The following PLCG1 variants were observed in gnomAD, a reference collection of about 807,000 sequenced individuals.
PLCG1 encodes the protein 1-phosphatidylinositol 4,5-bisphosphate phosphodiesterase gamma-1.
In PLCG1, 71 loss-of-function variants were observed where a neutral mutation model predicts 177.8. The ratio of observed to expected loss-of-function variants is 0.40; its 90% CI spans 0.33 to 0.49. The LOEUF (loss-of-function observed/expected upper bound fraction) is 0.49, where lower values mean the gene tolerates loss of function less well. Ranked by LOEUF, PLCG1 falls within the 20% of genes least tolerant of loss-of-function variation. The pLI, the probability that PLCG1 is intolerant of heterozygous loss-of-function variation, is 0.72. For missense variants in PLCG1, 1,281 were observed against 1,709.0 expected (o/e 0.75, Z 4.42); for synonymous variants, 658 against 647.9 (o/e 1.02, Z -0.24).
rs531732249 is a variant in PLCG1, at chr20:41,144,065, A to G, written c.217+6207A>G. ...CTGTACACAGAGGACTGGGGCATCAAAAAACTCTGGAATTGGAATAGCATA... is the reference window on the plus strand; with the variant it reads ...CTGTACACAGAGGACTGGGGCATCAGAAAACTCTGGAATTGGAATAGCATA... On this transcript the variant is annotated intron_variant, in intron 1 of 31. Transcript: ENST00000685551. The surrounding 1 kb of genome is among the most constrained non-coding windows in gnomAD (Gnocchi z 4.1). Among the ~76,000 whole-genome samples the G allele has an allele frequency of 9.2e-5, 14 of 152,202 alleles. No individual in the cohort carries two copies. Among genetic ancestry groups the G allele is most frequent in the African/African-American group, 3.1e-4 (13 of 41,448 alleles).
In PLCG1 at chr20:41,177,051, G is replaced by A. The variant is rs2036083572; in HGVS notation, c.*2542G>A. The stretch of plus-strand genomic sequence containing the variant: ...TCAAGGTGATTTAAATGAGTAACAA[G>A]GGTTGAAAAACCCTGATTTTGGCAG... On this transcript the variant is annotated 3_prime_UTR_variant, in exon 32 of 32. Transcript: ENST00000685551. 6.6e-6 allele frequency: 1 copy of A among 152,232 alleles called. No individual in the cohort carries two copies. The highest frequency in any genetic ancestry group is 1.5e-5 in the Non-Finnish European group (1 of 68,042). The allele number at this position is 152,232 out of a possible 1,614,324, so 9.4% of individuals were successfully genotyped here.
At chr20:41,139,264 CTT>C (rs2034732014) in intron 1 of PLCG1, among the ~76,000 whole-genome samples, 1 of 152,152 alleles carries the variant, frequency 6.6e-6, no homozygotes, top group Non-Finnish European at 1.5e-5. Flanking sequence ...ATTTTAGTGA[CTT>C]GAGAGCCTGT....
chr20:41,139,963 C>T (rs192106814), intron 1 of PLCG1, among the ~76,000 whole-genome samples: 66 of 152,288 alleles, frequency 4.3e-4, no homozygotes, highest in Middle Eastern at 3.4e-3. Context: ...ACATTTGACT[C>T]CTGGGTGTGA....
At chr20:41,170,326 G>A (rs1454228777) in intron 24 of PLCG1, 57 bp downstream of exon 24, 2 of 1,595,032 alleles carry the variant, frequency 1.3e-6, no homozygotes, top group African/African-American at 1.3e-5. Flanking sequence ...AGGCAGCTGA[G>A]GCCTCCAGCT....
rs2034946619 is a variant in PLCG1, at chr20:41,144,773, A to T, written c.217+6915A>T. On this transcript the variant is annotated intron_variant, in intron 1 of 31. Transcript: ENST00000685551. This position sits in a 1 kb window ranked among gnomAD's most constrained non-coding sequence, Gnocchi z 4.1. ...CTGTGTGTTGGGCACACTGAGCTGGATGTGATTACTCCAGCCTCTGACTTG... is the reference window on the plus strand; with the variant it reads ...CTGTGTGTTGGGCACACTGAGCTGGTTGTGATTACTCCAGCCTCTGACTTG... Among the ~76,000 whole-genome samples, 1 of 152,064 alleles carries T rather than the reference A, an allele frequency of 6.6e-6. No individual in the cohort carries two copies. The highest frequency in any genetic ancestry group is 2.4e-5 in the African/African-American group (1 of 41,394).
chr20:41,172,912 A>G lies in PLCG1; in HGVS notation c.3279+35A>G. On this transcript the variant is annotated intron_variant, in intron 27 of 31. Coordinates refer to ENST00000685551, the MANE Select transcript of PLCG1 (RefSeq NM_002660.3). The surrounding 1 kb of genome is among the most constrained non-coding windows in gnomAD (Gnocchi z 7.0). Reference sequence around the variant, plus strand: ...GCTCATCTGGGCTTCAGGGTAGGAAAGGGGCTGCTTGCCGTTGGAGTCTGT... The same window carrying G: ...GCTCATCTGGGCTTCAGGGTAGGAAGGGGGCTGCTTGCCGTTGGAGTCTGT... The G allele has an allele frequency of 6.2e-7, 1 of 1,603,522 alleles. No homozygotes were observed. The highest frequency in any genetic ancestry group is 1.1e-5 in the South Asian group (1 of 90,572).
At position 41,167,814 on chromosome 20, in the gene PLCG1, C is replaced by A. The variant is rs771014588; in HGVS notation, c.2302-38C>A. Reference sequence around the variant, plus strand: ...AGTAGCTGCTTTCTACCTCTGGGCTCTGGGGCATTAACATATCCCATTGTG... The same window carrying A: ...AGTAGCTGCTTTCTACCTCTGGGCTATGGGGCATTAACATATCCCATTGTG... On this transcript the variant is annotated intron_variant, in intron 19 of 31. Transcript: ENST00000685551. This position sits in a 1 kb window ranked among gnomAD's most constrained non-coding sequence, Gnocchi z 4.4. 4 of 1,437,850 alleles carry A rather than the reference C, an allele frequency of 2.8e-6. No homozygotes were observed. In the African/African-American group the frequency reaches 5.6e-5, roughly 20 times the overall value. 89.1% of individuals were successfully genotyped at this position (1,437,850 alleles called of 1,614,324 possible).
At position 41,174,534 on chromosome 20, in the gene PLCG1, C is replaced by G. The variant is rs1380194958; in HGVS notation, c.*25C>G. 1 of 1,571,946 alleles carries G rather than the reference C, an allele frequency of 6.4e-7. No individual in the cohort carries two copies. The highest frequency in any genetic ancestry group is 1.8e-5 in the Admixed American group (1 of 54,452). Reference sequence around the variant, plus strand: ...GTTGTACCCCAGCCTCGTTGGAGAGCAGCAGGTGCTGTGCGCCTTGTAGAA... The same window carrying G: ...GTTGTACCCCAGCCTCGTTGGAGAGGAGCAGGTGCTGTGCGCCTTGTAGAA... On this transcript the variant is annotated 3_prime_UTR_variant, in exon 32 of 32. Transcript: ENST00000685551. The surrounding 1 kb of genome is among the most constrained non-coding windows in gnomAD (Gnocchi z 5.8).
Position 41,172,359 on chromosome 20 carries a change from GGTATCCCCCCAACACTT to G in PLCG1, c.2906-61_2906-45del. 6.3e-7 allele frequency: 1 copy of G among 1,579,784 alleles called. No individual in the cohort carries two copies. On this transcript the variant is annotated intron_variant, in intron 25 of 31. Coordinates refer to ENST00000685551, the MANE Select transcript of PLCG1 (RefSeq NM_002660.3). This position sits in a 1 kb window ranked among gnomAD's most constrained non-coding sequence, Gnocchi z 7.0. ...CTGGTGGGTGCAAAAAGAGTATTTA[GGTATCCCCCCAACACTT>G]CCTGGGTGGGCGGGCTCTGTAAGTG...
intron 1 of PLCG1, among the ~76,000 whole-genome samples, chr20:41,139,222 C>G (rs1031937065): frequency 3.9e-5 from 6 of 152,164 alleles, no homozygotes; most frequent in Admixed American, 2.0e-4. Context: ...TTCCTCAGTG[C>G]CCCCACTGAC....
Position 41,165,606 on chromosome 20 carries a change from C to T in PLCG1, c.1612-33C>T. 1 of 1,611,492 alleles carries T rather than the reference C, an allele frequency of 6.2e-7. No individual in the cohort carries two copies. The highest frequency in any genetic ancestry group is 8.5e-7 in the Non-Finnish European group (1 of 1,177,850). ...GGCCAGGTCAGGCCTGGGCCAGGGT[C>T]ACAGTATCTTTGCTGTTGCCTTCCC... On this transcript the variant is annotated intron_variant, in intron 15 of 31. Transcript: ENST00000685551. This position sits in a 1 kb window ranked among gnomAD's most constrained non-coding sequence, Gnocchi z 6.6.
At position 41,164,318 on chromosome 20, in the gene PLCG1, C is replaced by T; in HGVS notation, c.1217+117C>T. The T allele has an allele frequency of 9.5e-7, 1 of 1,053,846 alleles. No homozygotes were observed. Among genetic ancestry groups the T allele is most frequent in the Non-Finnish European group, 1.4e-6 (1 of 709,738 alleles). 65.3% of individuals were successfully genotyped at this position (1,053,846 alleles called of 1,614,324 possible). On this transcript the variant is annotated intron_variant, in intron 12 of 31. Transcript: ENST00000685551. This position sits in a 1 kb window ranked among gnomAD's most constrained non-coding sequence, Gnocchi z 6.4. ...TGTCCCCTCTCCCTCAGCCTTTCAT[C>T]TTTGTCCTTCCTCTTGGCCTCTCCT...
At chr20:41,155,432 A>C (rs1241831036) in intron 1 of PLCG1, among the ~76,000 whole-genome samples, 2 of 152,184 alleles carry the variant, frequency 1.3e-5, no homozygotes, top group Non-Finnish European at 2.9e-5. Context: ...GCTTGGAGCC[A>C]GGATTTGAAA....
Position 41,163,750 on chromosome 20 carries a change from G to C in PLCG1, c.927G>C (p.Val309=), listed in dbSNP as rs370246429. Residue 309 remains valine, a synonymous_variant, in exon 10 of 32, where the codon GTG becomes GTC. Coordinates refer to ENST00000685551, the MANE Select transcript of PLCG1 (RefSeq NM_002660.3). The surrounding 1 kb of genome is among the most constrained non-coding windows in gnomAD (Gnocchi z 5.2). ...VTFLFSKENS[V]WNSQLDAVCP... ...TCCTGTTCTCCAAAGAGAACAGTGT[G>C]TGGAACTCGCAGCTGGATGCAGTAT... The C allele has an allele frequency of 8.7e-6, 14 of 1,613,304 alleles. No individual in the cohort carries two copies. Among genetic ancestry groups the C allele is most frequent in the Middle Eastern group, 1.6e-4 (1 of 6,084 alleles).
intron 4 of PLCG1, among the ~76,000 whole-genome samples, chr20:41,161,096 TA>T (rs2035480458): frequency 1.3e-5 from 2 of 152,008 alleles, no homozygotes. Context: ...TGAGATCACC[TA>T]GGGGGCAAGC....
At position 41,148,967 on chromosome 20, in the gene PLCG1, A is replaced by T. The variant is rs1166403398; in HGVS notation, c.218-10639A>T. On this transcript the variant is annotated intron_variant, in intron 1 of 31. Coordinates refer to ENST00000685551, the MANE Select transcript of PLCG1 (RefSeq NM_002660.3). The surrounding 1 kb of genome is among the most constrained non-coding windows in gnomAD (Gnocchi z 4.3). ...TTTGTGCTCAATTTCCTCACTCGGG[A>T]ATTGGGGACCCTAATACTTACTTCA... is the stretch of plus-strand genomic sequence containing the variant. 2.6e-5 allele frequency among the ~76,000 whole-genome samples: 4 copies of T among 152,212 alleles called. No individual in the cohort carries two copies. Among genetic ancestry groups the T allele is most frequent in the Admixed American group, 1.3e-4 (2 of 15,280 alleles).
At position 41,172,457 on chromosome 20, in the gene PLCG1, C is replaced by T. The variant is rs1179597197; in HGVS notation, c.2942C>T (p.Ser981Leu). ...GTERACYRDMSSFPETKAEKY... is the reference protein window; with the variant it reads ...GTERACYRDMLSFPETKAEKY... ...GAACGTGCTTGCTACCGGGACATGT[C>T]ATCCTTCCCGGAAACCAAGGCTGAG... The change falls in exon 26 of 32, where the codon TCA (serine) becomes TTA (leucine). Residue 981 changes from serine to leucine, a missense_variant. Ser to Leu is a moderately radical substitution (Grantham distance 145, BLOSUM62 -2). This residue lies in a region of PLCG1 where 723 missense variants were observed against 1,030.0 expected (regional missense o/e 0.70). Transcript: ENST00000685551. This position sits in a 1 kb window ranked among gnomAD's most constrained non-coding sequence, Gnocchi z 7.0. 1 of 1,614,162 alleles carries T rather than the reference C, an allele frequency of 6.2e-7. No homozygotes were observed. Among genetic ancestry groups the T allele is most frequent in the South Asian group, 1.1e-5 (1 of 91,082 alleles).
Position 41,173,830 on chromosome 20 carries a change from G to C in PLCG1, c.3556+17G>C, listed in dbSNP as rs1168642765. The C allele has an allele frequency of 3.1e-6, 5 of 1,612,176 alleles. No homozygotes were observed. The East Asian group carries it at 1.1e-4, about 36-fold the overall frequency. On this transcript the variant is annotated intron_variant, in intron 29 of 31. Transcript: ENST00000685551. The surrounding 1 kb of genome is among the most constrained non-coding windows in gnomAD (Gnocchi z 6.2). ...TGAAGACAGGTGAGGACCATTCCTG[G>C]AGGCAGTGCCCCTGCAATCTTGCTG...
rs1157928989 is a variant in PLCG1 at position 41,164,717 on chromosome 20, G to T, written c.1218-216G>T. ...CAGCCTCCATAATTGGGCCAGCTCG[G>T]GACTGCATCAGTTGCCACCCTTTGG... is the stretch of plus-strand genomic sequence containing the variant. On this transcript the variant is annotated intron_variant, in intron 12 of 31. Transcript: ENST00000685551. The surrounding 1 kb of genome is among the most constrained non-coding windows in gnomAD (Gnocchi z 6.4). Among the ~76,000 whole-genome samples, 2 of 152,078 alleles carry T rather than the reference G, an allele frequency of 1.3e-5. No individual in the cohort carries two copies. Among genetic ancestry groups the T allele is most frequent in the Admixed American group, 1.3e-4 (2 of 15,278 alleles).
Sources: gnomAD v4.1 joint callset for allele counts (sites outside exome capture counted in the v4.1 genomes callset) on GRCh38, gnomAD v4.1.1 for gene constraint, gnomAD v4.1.1 regional missense constraint, Gnocchi (gnomAD v3.1) non-coding constraint, MANE v1.5 for transcripts, NCBI Gene and HGNC (gene_info 2026-07-23, HGNC 2026-07-21) for gene names.